AVEN: variants seen among roughly 807,000 people sequenced by gnomAD.
The protein encoded by AVEN is cell death regulator Aven.
In AVEN, 41 loss-of-function variants were observed where a neutral mutation model predicts 38.1. The observed-to-expected ratio is 1.08, with a 90% CI of 0.84 to 1.40. The LOEUF is 1.40. Ranked by LOEUF, AVEN falls within the 40% of genes most tolerant of loss-of-function variation. The pLI is 0.00. For synonymous variants in AVEN, 206 were observed against 171.8 expected (o/e 1.20, Z -1.56); for missense variants, 605 against 438.8 (o/e 1.38, Z -3.38).
At chr15:33,866,145 T>G (rs1890437709), downstream of AVEN, 1 of 170,404 alleles carries the variant, frequency 5.9e-6, no homozygotes, top group Non-Finnish European at 1.3e-5. Context: ...TTCTGGTTGA[T>G]TCTACAACCA....
intron 2 of AVEN, among the ~76,000 whole-genome samples, chr15:33,968,183 C>A (rs1473101810): frequency 3.0e-5 from 4 of 135,570 alleles, no homozygotes; most frequent in Non-Finnish European, 3.1e-5. Flanking sequence ...CATTTTGGAA[C>A]CTTATTCCAG....
intron 2 of AVEN, among the ~76,000 whole-genome samples, chr15:33,890,913 G>C (rs1891918413): frequency 1.3e-5 from 2 of 152,132 alleles, no homozygotes; most frequent in African/African-American, 2.4e-5. Context: ...TTTGAGGCCA[G>C]CCTGGGCAAC....
At position 33,955,450 on chromosome 15, in the gene AVEN, G is replaced by A. The variant is rs180801442; in HGVS notation, c.445+47582C>T. 5.1e-3 allele frequency among the ~76,000 whole-genome samples: 783 copies of A among 152,240 alleles called. 1 individual carries two copies. The highest frequency in any genetic ancestry group is 8.2e-3 in the Non-Finnish European group (559 of 68,024). On this transcript the variant is annotated intron_variant, in intron 2 of 5. Coordinates refer to ENST00000306730, the MANE Select transcript of AVEN (RefSeq NM_020371.3). ...TAAATCTGCAGGCATAATCCACAAC[G>A]TACAACGCTTAAAACTATAATGTAC...
downstream of AVEN, among the ~76,000 whole-genome samples, chr15:33,857,387 G>C (rs1452051786): frequency 6.6e-6 from 1 of 150,742 alleles, no homozygotes; most frequent in Non-Finnish European, 1.5e-5. Context: ...TTTCTTCTAA[G>C]GATGCCGGTG....
intron 2 of AVEN, among the ~76,000 whole-genome samples, chr15:33,955,847 A>G (rs1241460466): frequency 2.6e-5 from 4 of 152,232 alleles, no homozygotes; most frequent in African/African-American, 9.6e-5. Flanking sequence ...TCACCATAAG[A>G]AAAGCTACAA....
chr15:33,870,553 T>C (rs187624261), intron 4 of AVEN, among the ~76,000 whole-genome samples: 1 of 152,196 alleles, frequency 6.6e-6, no homozygotes, highest in Non-Finnish European at 1.5e-5. Context: ...GTGTGACTAT[T>C]TGATTAATAT....
intron 2 of AVEN, chr15:33,885,480 C>CT (rs559740447): frequency 1.5e-3 from 224 of 152,292 alleles, no homozygotes; most frequent in African/African-American, 4.6e-3. Flanking sequence ...CAAGCGACAC[C>CT]TAACACTTTG....
chr15:34,037,646 G>C (rs980302518), intron 1 of AVEN, among the ~76,000 whole-genome samples: 23 of 151,122 alleles, frequency 1.5e-4, no homozygotes, highest in Non-Finnish European at 2.9e-4. Flanking sequence ...GTTTCTGTCA[G>C]TTTACACGAG....
At chr15:34,029,855 T>C (rs550143923) in intron 1 of AVEN, among the ~76,000 whole-genome samples, 1 of 152,352 alleles carries the variant, frequency 6.6e-6, no homozygotes, top group African/African-American at 2.4e-5. Context: ...CACTCTATTT[T>C]ATTATCAGCC....
chr15:34,064,109 T>C, intron 4 of AVEN: 1 of 1,614,190 alleles, frequency 6.2e-7, no homozygotes, highest in Non-Finnish European at 8.5e-7. Context: ...TGGTCCTGGT[T>C]TCTACCTTCT....
chr15:33,904,690 AAAAAATAT>A (rs1200654107), intron 2 of AVEN, among the ~76,000 whole-genome samples: 23 of 108,254 alleles, frequency 2.1e-4, no homozygotes, highest in South Asian at 1.2e-3. Flanking sequence ...TTTAAAAAAA[AAAAAATAT>A]ATATATATAT....
intron 5 of AVEN, among the ~76,000 whole-genome samples, chr15:34,061,209 T>C (rs1260314889): frequency 6.6e-6 from 1 of 152,124 alleles, no homozygotes; most frequent in African/African-American, 2.4e-5. Context: ...AGACCTAATT[T>C]CTACAATTTA....
chr15:33,899,099 A>G (rs1252310106), intron 2 of AVEN, among the ~76,000 whole-genome samples: 3 of 152,202 alleles, frequency 2.0e-5, no homozygotes, highest in African/African-American at 4.8e-5. Context: ...AGGTGGTCAC[A>G]TGCCTAAATA....
intron 2 of AVEN, among the ~76,000 whole-genome samples, chr15:33,922,544 C>T (rs975452821): frequency 6.6e-6 from 1 of 152,128 alleles, no homozygotes; most frequent in Non-Finnish European, 1.5e-5. Flanking sequence ...AAGAGATGCT[C>T]CCGCCTCAGC....
intron 1 of AVEN, among the ~76,000 whole-genome samples, chr15:34,072,903 C>A (rs997419738): frequency 2.0e-5 from 3 of 152,038 alleles, no homozygotes; most frequent in African/African-American, 7.2e-5. Context: ...CCTGCCTTGG[C>A]CTCCCAAAGT....
At chr15:33,960,403 G>A (rs2140468225) in intron 2 of AVEN, among the ~76,000 whole-genome samples, 1 of 150,892 alleles carries the variant, frequency 6.6e-6, no homozygotes, top group South Asian at 2.1e-4. Context: ...TTAAAATGAG[G>A]AAGAGAGTCT....
intron 2 of AVEN, among the ~76,000 whole-genome samples, chr15:34,001,765 C>T (rs1271362819): frequency 6.6e-6 from 1 of 152,156 alleles, no homozygotes; most frequent in African/African-American, 2.4e-5. Flanking sequence ...CTTTCCTGCT[C>T]GGAAAAGCAC....
chr15:33,897,500 C>T (rs1361399291), intron 2 of AVEN, among the ~76,000 whole-genome samples: 3 of 152,004 alleles, frequency 2.0e-5, no homozygotes, highest in Non-Finnish European at 4.4e-5. Flanking sequence ...GAACCCCTGA[C>T]CTCAGGCGAT....
At chr15:34,047,307 G>C (rs59502570) in intron 5 of AVEN, among the ~76,000 whole-genome samples, 1 of 152,020 alleles carries the variant, frequency 6.6e-6, no homozygotes, top group South Asian at 2.1e-4. Context: ...TGGATCTCCT[G>C]ACCTGATGAT....
Sources: allele counts gnomAD v4.1 joint callset (sites outside exome capture counted in the v4.1 genomes callset), GRCh38; gene constraint gnomAD v4.1.1; transcripts MANE v1.5; gene names NCBI Gene and HGNC (gene_info 2026-07-23, HGNC 2026-07-21).